The following JADE3 variants were observed in gnomAD, a reference collection of about 807,000 sequenced individuals.
The protein encoded by JADE3 is jade family PHD finger 3, also known as protein Jade-3.
JADE3 carries 2 observed loss-of-function variants against 50.1 expected under a neutral mutation model. The ratio of observed to expected loss-of-function variants is 0.04; its 90% CI spans 0.02 to 0.13. JADE3 has a LOEUF of 0.13. Ranked by LOEUF, JADE3 falls within the 10% of genes least tolerant of loss-of-function variation. The pLI is 1.00. For missense variants in JADE3, 475 were observed against 634.4 expected, an observed-to-expected ratio of 0.75 and a Z score of 2.70; for synonymous variants, 218 against 232.9, an observed-to-expected ratio of 0.94 and a Z score of 0.58.
At chrX:46,926,058 T>C (rs868935585) in intron 1 of JADE3, among the ~76,000 whole-genome samples, 1 of 44,527 alleles carries the variant, frequency 2.2e-5, no homozygotes, top group South Asian at 1.3e-3. Context: ...TTTTATTTTA[T>C]TTTATTTTAT....
intron 8 of JADE3, among the ~76,000 whole-genome samples, chrX:47,044,924 A>G (rs1296559708): frequency 8.9e-6 from 1 of 111,927 alleles, no homozygotes; most frequent in African/African-American, 3.2e-5. Context: ...AATCAAAAAC[A>G]TACAACAGAT....
Position 47,056,774 on chromosome X carries a change from T to C in JADE3, c.1561+575T>C, listed in dbSNP as rs148526030. Among the ~76,000 whole-genome samples, 120 of 111,865 alleles carry C rather than the reference T, an allele frequency of 1.1e-3. 1 individual carries two copies. The highest frequency in any genetic ancestry group is 4.9e-3 in the South Asian group (13 of 2,673). The stretch of plus-strand genomic sequence containing the variant: ...GCAAGACAGGTGAGCATAATTATAG[T>C]GCCCTAAGCATAGGGAGCTGGGCTG... On this transcript the variant is annotated intron_variant, in intron 10 of 10. Coordinates refer to ENST00000614628, the MANE Select transcript of JADE3 (RefSeq NM_014735.5).
intron 6 of JADE3, 103 bp downstream of exon 6, chrX:47,028,206 G>A (rs1471880269): frequency 5.6e-6 from 3 of 534,883 alleles, no homozygotes; most frequent in East Asian, 7.3e-5. Flanking sequence ...ATTTAAGGGT[G>A]AAAATAAAGA....
At chrX:47,012,967 C>G (rs1928592523) in intron 4 of JADE3, among the ~76,000 whole-genome samples, 1 of 111,380 alleles carries the variant, frequency 9.0e-6, no homozygotes, top group Admixed American at 9.6e-5. Flanking sequence ...TGAAAGAAAG[C>G]ATAGTTATTG....
At chrX:46,965,057 T>G (rs1369233643) in intron 1 of JADE3, among the ~76,000 whole-genome samples, 1 of 112,202 alleles carries the variant, frequency 8.9e-6, no homozygotes, top group Non-Finnish European at 1.9e-5. Flanking sequence ...ATATCTGTGG[T>G]CAAGAAAGTA....
At chrX:47,035,776 G>GA (rs1260331625) in intron 7 of JADE3, among the ~76,000 whole-genome samples, 3 of 111,153 alleles carry the variant, frequency 2.7e-5, no homozygotes, top group African/African-American at 9.8e-5. Context: ...TGGGGGGAAT[G>GA]AAAATACTTT....
intron 1 of JADE3, among the ~76,000 whole-genome samples, chrX:46,947,390 G>A (rs1207570417): frequency 9.0e-6 from 1 of 111,684 alleles, no homozygotes; most frequent in Non-Finnish European, 1.9e-5. Context: ...GACATGGACT[G>A]TATCTCCTCT....
intron 1 of JADE3, among the ~76,000 whole-genome samples, chrX:46,942,300 G>A (rs1926778180): frequency 9.0e-6 from 1 of 111,730 alleles, no homozygotes; most frequent in Non-Finnish European, 1.9e-5. Flanking sequence ...CTGATGTCCA[G>A]AAGGTATTTC....
At position 46,941,236 on chromosome X, in the gene JADE3, A is replaced by C. The variant is rs182145546; in HGVS notation, c.-12+28517A>C. Among the ~76,000 whole-genome samples the C allele has an allele frequency of 9.8e-5, 11 of 111,751 alleles. No individual in the cohort carries two copies. In the East Asian group the frequency reaches 2.2e-3, roughly 23 times the overall value. ...TCCAGCTGCATCCATGTTGCTGCAG[A>C]GAACATGATTTCATTCTTTTTTATG... On this transcript the variant is annotated intron_variant, in intron 1 of 10. Transcript: ENST00000614628.
chrX:46,931,797 G>C (rs1926502572), intron 1 of JADE3, among the ~76,000 whole-genome samples: 1 of 111,928 alleles, frequency 8.9e-6, no homozygotes, highest in African/African-American at 3.2e-5. Context: ...GATAAATGTG[G>C]CTAAATATAT....
chrX:46,973,034 T>C (rs1428471389), intron 1 of JADE3, among the ~76,000 whole-genome samples: 1 of 112,563 alleles, frequency 8.9e-6, no homozygotes, highest in Non-Finnish European at 1.9e-5. Context: ...ATATTTCCTA[T>C]CTGGTCCTTT....
intron 4 of JADE3, among the ~76,000 whole-genome samples, chrX:47,002,204 ATTC>A (rs1272852237): frequency 1.8e-5 from 2 of 110,917 alleles, no homozygotes; most frequent in African/African-American, 3.3e-5. Flanking sequence ...TCTCAAAAAT[ATTC>A]TTCTATGTTT....
intron 1 of JADE3, among the ~76,000 whole-genome samples, chrX:46,984,573 C>T (rs1031802003): frequency 9.0e-6 from 1 of 111,597 alleles, no homozygotes; most frequent in Non-Finnish European, 1.9e-5. Context: ...GGCTGCCCCA[C>T]CCTTTGTTTT....
intron 4 of JADE3, among the ~76,000 whole-genome samples, chrX:46,999,485 A>ATATAACATATATATACATATAT (rs1556358436): frequency 2.3e-4 from 24 of 105,108 alleles, no homozygotes; most frequent in African/African-American, 4.5e-4. Context: ...ATATATATAT[A>ATATAACATATATATACATATAT]AAATAGGGTC....
At chrX:47,029,683 A>G (rs781966588) in intron 6 of JADE3, among the ~76,000 whole-genome samples, 1 of 112,137 alleles carries the variant, frequency 8.9e-6, no homozygotes, top group Admixed American at 9.5e-5. Context: ...TCTGTGACCA[A>G]TTGGGTCTTT....
intron 1 of JADE3, among the ~76,000 whole-genome samples, chrX:46,928,050 C>A (rs782420225): frequency 1.7e-4 from 19 of 112,071 alleles, no homozygotes; most frequent in Admixed American, 3.8e-4. Flanking sequence ...AGTTCTTTAT[C>A]TGGGATTTCA....
intron 1 of JADE3, among the ~76,000 whole-genome samples, chrX:46,953,306 C>T (rs1199372952): frequency 9.3e-6 from 1 of 107,529 alleles, no homozygotes; most frequent in Admixed American, 1.0e-4. Context: ...GCTCTAACCA[C>T]AGTGCTCACT....
In JADE3 at chrX:46,968,714, C is replaced by T. The variant is rs782690418; in HGVS notation, c.-11-16170C>T. Among the ~76,000 whole-genome samples, 5 of 109,940 alleles carry T rather than the reference C, an allele frequency of 4.5e-5. No homozygotes were observed. In the South Asian group the frequency reaches 1.7e-3, roughly 36 times the overall value. Reference sequence around the variant, plus strand: ...GGACTAAAAGAATGATACAAAGGGTCGATCCACCAAGAAGGCATAGCAATT... The same window carrying T: ...GGACTAAAAGAATGATACAAAGGGTTGATCCACCAAGAAGGCATAGCAATT... On this transcript the variant is annotated intron_variant, in intron 1 of 10. Coordinates refer to ENST00000614628, the MANE Select transcript of JADE3 (RefSeq NM_014735.5).
intron 1 of JADE3, among the ~76,000 whole-genome samples, chrX:46,968,249 AATTTTGAGTTAATTTTTT>A (rs1467515873): frequency 8.9e-6 from 1 of 112,168 alleles, no homozygotes; most frequent in Non-Finnish European, 1.9e-5. Context: ...TTAATTTTTA[AATTTTGAGTTAATTTTTT>A]ATTTTGAGTT....
Sources: allele counts gnomAD v4.1 joint callset (sites outside exome capture counted in the v4.1 genomes callset), GRCh38; gene constraint gnomAD v4.1.1; transcripts MANE v1.5; gene names NCBI Gene and HGNC (gene_info 2026-07-23, HGNC 2026-07-21).